Variants in PHF21A observed in about 807,000 individuals in gnomAD.
PHF21A encodes the protein BHC80a.
A neutral mutation model predicts 82.5 loss-of-function variants in PHF21A; 11 were observed. The observed-to-expected ratio is 0.13, with a 90% confidence interval of 0.08 to 0.22. PHF21A has a LOEUF of 0.22. Ranked by LOEUF, PHF21A falls within the 10% of genes least tolerant of loss-of-function variation. The pLI is 1.00. For synonymous variants in PHF21A, 297 were observed against 302.8 expected (o/e 0.98, Z 0.20); for missense variants, 579 against 837.8 (o/e 0.69, Z 3.81).
intron 11 of PHF21A, among the ~76,000 whole-genome samples, chr11:45,952,477 G>A (rs2092253269): frequency 1.3e-5 from 2 of 152,144 alleles, no homozygotes. Context: ...AGTTTCCTTT[G>A]ATAGGGAAAT....
intron 6 of PHF21A, among the ~76,000 whole-genome samples, chr11:46,021,260 C>A (rs530869620): frequency 6.6e-6 from 1 of 152,248 alleles, no homozygotes; most frequent in East Asian, 1.9e-4. Flanking sequence ...GGGGGTCTCA[C>A]TCTGTTGCCC....
chr11:46,019,679 T>C (rs1272683294), intron 6 of PHF21A, among the ~76,000 whole-genome samples: 3 of 152,254 alleles, frequency 2.0e-5, no homozygotes, highest in Non-Finnish European at 4.4e-5. Context: ...GGCATTCCAA[T>C]CTTAGCAATG....
rs1235429684 is a variant in PHF21A, at chr11:45,949,443, T to C, written c.1186A>G (p.Thr396Ala). 1.2e-6 allele frequency: 2 copies of C among 1,614,236 alleles called. No individual in the cohort carries two copies. The highest frequency in any genetic ancestry group is 1.7e-5 in the Admixed American group (1 of 60,034). ...SKRQERKRRTTANPVYSGAVF... is the reference protein window; with the variant it reads ...SKRQERKRRTAANPVYSGAVF... ...GCTCCACTGTAGACCGGATTTGCTGTTGTTCTTCTTTTTCGCTCTTGCCTC... is the reference window on the plus strand; with the variant it reads ...GCTCCACTGTAGACCGGATTTGCTGCTGTTCTTCTTTTTCGCTCTTGCCTC... Residue 396 changes from threonine (T) to alanine (A), a missense_variant, in exon 13 of 19, where the codon ACA becomes GCA. Thr to Ala is a moderately conservative substitution (Grantham distance 58). Coordinates refer to ENST00000676320, the MANE Select transcript of PHF21A (RefSeq NM_001352027.3).
chr11:45,964,380 G>T (rs2093311017), intron 10 of PHF21A, among the ~76,000 whole-genome samples: 1 of 152,064 alleles, frequency 6.6e-6, no homozygotes, highest in Non-Finnish European at 1.5e-5. Context: ...AGCTGCCTGG[G>T]TTTAAGGTCT....
chr11:45,941,432 C>T (rs2090323111), intron 15 of PHF21A, among the ~76,000 whole-genome samples: 1 of 152,172 alleles, frequency 6.6e-6, no homozygotes, highest in Admixed American at 6.5e-5. Flanking sequence ...AGAGTGACAT[C>T]ATCACACATC....
chr11:45,955,690 CA>C (rs1322246267), intron 10 of PHF21A, among the ~76,000 whole-genome samples: 1 of 151,986 alleles, frequency 6.6e-6, no homozygotes, highest in Non-Finnish European at 1.5e-5. Flanking sequence ...CAAAAGGATC[CA>C]AAAACAAAAA....
chr11:46,103,414 A>T (rs900548623), intron 1 of PHF21A, among the ~76,000 whole-genome samples: 12 of 152,242 alleles, frequency 7.9e-5, no homozygotes, highest in African/African-American at 2.9e-4. Flanking sequence ...ATTGAAAGAT[A>T]ACTATACAAC....
chr11:46,029,850 A>G (rs1313302138), intron 6 of PHF21A, among the ~76,000 whole-genome samples: 1 of 152,254 alleles, frequency 6.6e-6, no homozygotes. Flanking sequence ...GTTATACAGT[A>G]AAAATAATAA....
At chr11:46,114,278 A>T (rs1462444787) in intron 1 of PHF21A, among the ~76,000 whole-genome samples, 1 of 152,238 alleles carries the variant, frequency 6.6e-6, no homozygotes, top group Non-Finnish European at 1.5e-5. Context: ...ATTTACATAT[A>T]TACAGTTGCT....
chr11:46,069,334 G>A (rs1034083390), intron 6 of PHF21A, among the ~76,000 whole-genome samples: 5 of 152,178 alleles, frequency 3.3e-5, no homozygotes, highest in African/African-American at 1.2e-4. Context: ...TACACAGGAG[G>A]GATGAACTAG....
chr11:45,982,252 C>T (rs1238808855), intron 6 of PHF21A, among the ~76,000 whole-genome samples: 1 of 152,060 alleles, frequency 6.6e-6, no homozygotes. Context: ...CCACCACGCC[C>T]GGCTGAGAGG....
chr11:45,971,146 G>T lies in PHF21A; in HGVS notation c.582C>A (p.Val194=). The change falls in exon 8 of 19, where the codon GTC becomes GTA. Residue 194 remains valine (V), a synonymous_variant. Coordinates refer to ENST00000676320, the MANE Select transcript of PHF21A (RefSeq NM_001352027.3). ...TGACTGTGTTTTTTGCCACAATTTGGACAGCCTCTGCCCCAGGCCCAGTGA... is the reference window on the plus strand; with the variant it reads ...TGACTGTGTTTTTTGCCACAATTTGTACAGCCTCTGCCCCAGGCCCAGTGA... ...SKVTGPGAEA[V]QIVAKNTVTL... 6.2e-7 allele frequency: 1 copy of T among 1,614,120 alleles called. No individual in the cohort carries two copies. The highest frequency in any genetic ancestry group is 1.1e-5 in the South Asian group (1 of 91,074).
intron 6 of PHF21A, among the ~76,000 whole-genome samples, chr11:46,023,366 G>T (rs927078454): frequency 1.3e-5 from 2 of 152,170 alleles, no homozygotes; most frequent in Admixed American, 1.3e-4. Context: ...AGAGTAAGAA[G>T]TCATGAGCAG....
chr11:46,001,999 C>G (rs1209175770), intron 6 of PHF21A, among the ~76,000 whole-genome samples: 1 of 152,114 alleles, frequency 6.6e-6, no homozygotes, highest in Non-Finnish European at 1.5e-5. Context: ...GATGCCATTT[C>G]TAGAAGTGGT....
rs1219163889 is a variant in PHF21A, at chr11:45,971,411, T to G, written c.361-44A>C. 3.2e-6 allele frequency: 5 copies of G among 1,541,404 alleles called. No individual in the cohort carries two copies. In the East Asian group the frequency reaches 6.8e-5, roughly 21 times the overall value. ...AGATATTAGGACACTAAATCTAAAC[T>G]AAATAATAAACTAAATCCCACTAAA... On this transcript the variant is annotated intron_variant, in intron 7 of 18. Transcript: ENST00000676320.
chr11:45,963,341 A>G (rs1279374743), intron 10 of PHF21A, among the ~76,000 whole-genome samples: 2 of 151,094 alleles, frequency 1.3e-5, no homozygotes, highest in Non-Finnish European at 1.5e-5. Context: ...AATTGTTTGA[A>G]TCCGGGAGGT....
chr11:45,972,293 C>G (rs1255840414), intron 7 of PHF21A, among the ~76,000 whole-genome samples: 5 of 151,976 alleles, frequency 3.3e-5, no homozygotes, highest in African/African-American at 1.2e-4. Context: ...GAATCAGTTA[C>G]AAAACAAACA....
chr11:46,009,209 G>A lies in PHF21A; in HGVS notation c.154-29243C>T, dbSNP rs561997392. On this transcript the variant is annotated intron_variant, in intron 6 of 18. Coordinates refer to ENST00000676320, the MANE Select transcript of PHF21A (RefSeq NM_001352027.3). ...GGCTGATCTCCAACTCCCGACCTCAGGTAATCTGCCCGCCTCGGTCTCCCA... is the reference window on the plus strand; with the variant it reads ...GGCTGATCTCCAACTCCCGACCTCAAGTAATCTGCCCGCCTCGGTCTCCCA... Among the ~76,000 whole-genome samples the A allele has an allele frequency of 3.3e-3, 504 of 152,062 alleles. 2 individuals are homozygous for A. The highest frequency in any genetic ancestry group is 5.8e-3 in the Non-Finnish European group (391 of 67,980).
intron 1 of PHF21A, among the ~76,000 whole-genome samples, chr11:46,097,192 C>A (rs557436875): frequency 6.6e-6 from 1 of 152,172 alleles, no homozygotes; most frequent in Non-Finnish European, 1.5e-5. Flanking sequence ...TATATTCTCT[C>A]GCAAGCCAGA....
Sources: allele counts gnomAD v4.1 joint callset (sites outside exome capture counted in the v4.1 genomes callset), GRCh38; gene constraint gnomAD v4.1.1; transcripts MANE v1.5; gene names NCBI Gene and HGNC (gene_info 2026-07-23, HGNC 2026-07-21).